The following CDH4 variants were observed in gnomAD, a reference collection of about 807,000 sequenced individuals.
CDH4 encodes the protein cadherin-4.
In CDH4, 33 loss-of-function variants were observed where a neutral mutation model predicts 86.0. That is an observed-to-expected ratio of 0.38 (90% CI 0.29 to 0.51). The LOEUF is 0.51. Among genes scored for constraint, CDH4 ranks in the 20% least tolerant of loss-of-function variants. CDH4 has a pLI of 0.86. For synonymous variants in CDH4, 555 were observed against 549.4 expected (o/e 1.01, Z -0.14); for missense variants, 1,114 against 1,307.4 (o/e 0.85, Z 2.28).
rs569100825 is a variant in CDH4, at chr20:61,815,799, T to A, written c.577-28869T>A. Among the ~76,000 whole-genome samples, 7 of 152,318 alleles carry A rather than the reference T, an allele frequency of 4.6e-5. 1 individual carries two copies. The highest frequency in any genetic ancestry group is 7.2e-5 in the African/African-American group (3 of 41,570). On this transcript the variant is annotated intron_variant, in intron 4 of 15. Coordinates refer to ENST00000614565, the MANE Select transcript of CDH4 (RefSeq NM_001794.5). ...AAACTGTTAATCCTAGATTATCAAATGCAAAATATGCCCCAGCCAGAAATG... is the reference window on the plus strand; with the variant it reads ...AAACTGTTAATCCTAGATTATCAAAAGCAAAATATGCCCCAGCCAGAAATG...
intron 2 of CDH4, among the ~76,000 whole-genome samples, chr20:61,449,487 A>G (rs2085368915): frequency 6.6e-6 from 1 of 152,216 alleles, no homozygotes; most frequent in Non-Finnish European, 1.5e-5. Context: ...TGACGTGGGG[A>G]TATTTTGTAA....
chr20:61,378,133 A>T (rs939489315), intron 2 of CDH4, among the ~76,000 whole-genome samples: 3 of 152,212 alleles, frequency 2.0e-5, no homozygotes, highest in Admixed American at 6.5e-5. Context: ...GCACGCCTGT[A>T]GTCCCAGCTA....
At chr20:61,688,443 A>G (rs1290123542) in intron 2 of CDH4, among the ~76,000 whole-genome samples, 1 of 152,120 alleles carries the variant, frequency 6.6e-6, no homozygotes, top group Non-Finnish European at 1.5e-5. Flanking sequence ...TCTGATAATG[A>G]TAAGAACAGC....
intron 2 of CDH4, among the ~76,000 whole-genome samples, chr20:61,372,274 G>T (rs1035585221): frequency 3.9e-5 from 6 of 152,216 alleles, no homozygotes; most frequent in Non-Finnish European, 5.9e-5. Flanking sequence ...TGGCCCATGG[G>T]TCTGTCCCAT....
At position 61,928,378 on chromosome 20, in the gene CDH4, G is replaced by A; in HGVS notation, c.1960G>A (p.Val654Ile). 1 of 1,611,908 alleles carries A rather than the reference G, an allele frequency of 6.2e-7. No individual in the cohort carries two copies. Among genetic ancestry groups the A allele is most frequent in the Non-Finnish European group, 8.5e-7 (1 of 1,179,988 alleles). The change falls in exon 12 of 16, where the codon GTC becomes ATC. Residue 654 changes from valine (V) to isoleucine (I), a missense_variant. Val to Ile is a conservative substitution (Grantham distance 29, BLOSUM62 3). Around this residue, in one of 3 missense-constraint regions of CDH4, gnomAD observed 705 missense variants for 914.1 expected, o/e 0.77. Transcript: ENST00000614565. The stretch of plus-strand genomic sequence containing the variant: ...CCCCTACGTCTTCGAGCTGCCCTTT[G>A]TCCCGGCGGCCGTGCGGAAGAACTG... ...IGPYVFELPF[V>I]PAAVRKNWTI... is the part of the protein sequence containing the mutation.
chr20:61,450,805 G>A (rs2085375098), intron 2 of CDH4, among the ~76,000 whole-genome samples: 1 of 150,844 alleles, frequency 6.6e-6, no homozygotes, highest in Non-Finnish European at 1.5e-5. Flanking sequence ...AATGGAGAGA[G>A]TCTGCTGCTG....
intron 8 of CDH4, 59 bp downstream of exon 8, chr20:61,895,106 C>T (rs545974597): frequency 2.4e-5 from 38 of 1,575,342 alleles, no homozygotes; most frequent in Middle Eastern, 1.8e-4. Flanking sequence ...AATGCACTGG[C>T]GTGCGGCACA....
chr20:61,869,935 G>A (rs1025775557), intron 6 of CDH4, among the ~76,000 whole-genome samples: 5 of 152,258 alleles, frequency 3.3e-5, no homozygotes, highest in South Asian at 4.1e-4. Context: ...GATGTCGTGA[G>A]GTTATCTGAG....
At chr20:61,266,043 C>A (rs2084156567) in intron 2 of CDH4, among the ~76,000 whole-genome samples, 1 of 152,172 alleles carries the variant, frequency 6.6e-6, no homozygotes, top group South Asian at 2.1e-4. Context: ...ACTGTGCTTT[C>A]CTGCTGAGAG....
At chr20:61,357,888 A>AG (rs1438328247) in intron 2 of CDH4, among the ~76,000 whole-genome samples, 1 of 151,728 alleles carries the variant, frequency 6.6e-6, no homozygotes, top group Non-Finnish European at 1.5e-5. Flanking sequence ...TTTGCTTTTT[A>AG]TTTTTTTTCC....
chr20:61,805,905 G>A (rs1219712603), intron 4 of CDH4, among the ~76,000 whole-genome samples: 1 of 152,214 alleles, frequency 6.6e-6, no homozygotes, highest in Non-Finnish European at 1.5e-5. Flanking sequence ...AGCTATGTAG[G>A]TATATGCTCA....
intron 4 of CDH4, among the ~76,000 whole-genome samples, chr20:61,827,563 A>G (rs1316329322): frequency 6.6e-6 from 1 of 152,244 alleles, no homozygotes; most frequent in Non-Finnish European, 1.5e-5. Flanking sequence ...AACTCCTGAT[A>G]TATGACAACT....
intron 2 of CDH4, among the ~76,000 whole-genome samples, chr20:61,487,257 T>C (rs2085601825): frequency 6.6e-6 from 1 of 152,168 alleles, no homozygotes; most frequent in African/African-American, 2.4e-5. Context: ...ACCGTAGTTA[T>C]GTGAGTCTGT....
chr20:61,666,147 C>G (rs566486629), intron 2 of CDH4, among the ~76,000 whole-genome samples: 28 of 152,322 alleles, frequency 1.8e-4, no homozygotes, highest in Admixed American at 9.1e-4. Flanking sequence ...CAAGTAAGGC[C>G]ATGGCCTCCT....
intron 2 of CDH4, among the ~76,000 whole-genome samples, chr20:61,637,933 A>G (rs2024709): frequency 0.35 from 52,811 of 151,576 alleles, 9,193 homozygotes; most frequent in East Asian, 0.48. Flanking sequence ...AGGCAGGAGA[A>G]TCGCTGGAAG....
intron 6 of CDH4, among the ~76,000 whole-genome samples, chr20:61,861,543 C>T (rs950853505): frequency 2.6e-5 from 4 of 151,456 alleles, no homozygotes; most frequent in Non-Finnish European, 4.4e-5. Context: ...CCCGCCTGTG[C>T]GTTAGGAATG....
intron 2 of CDH4, among the ~76,000 whole-genome samples, chr20:61,379,952 G>A (rs2084890898): frequency 6.6e-6 from 1 of 152,082 alleles, no homozygotes; most frequent in African/African-American, 2.4e-5. Flanking sequence ...TGAAGAGTTA[G>A]GCAGATAAGG....
At chr20:61,906,123 T>A (rs1437590821) in intron 8 of CDH4, among the ~76,000 whole-genome samples, 1 of 152,134 alleles carries the variant, frequency 6.6e-6, no homozygotes, top group Non-Finnish European at 1.5e-5. Flanking sequence ...CTGACTTAGG[T>A]CATTAGCCTA....
chr20:61,909,937 C>T (rs1242469040), intron 8 of CDH4, among the ~76,000 whole-genome samples: 1 of 152,248 alleles, frequency 6.6e-6, no homozygotes, highest in Non-Finnish European at 1.5e-5. Flanking sequence ...TTGTTGAAGC[C>T]GCTCCATCAG....
Sources: gnomAD v4.1 joint callset for allele counts (sites outside exome capture counted in the v4.1 genomes callset) on GRCh38, gnomAD v4.1.1 for gene constraint, gnomAD v4.1.1 regional missense constraint, MANE v1.5 for transcripts, NCBI Gene and HGNC (gene_info 2026-07-23, HGNC 2026-07-21) for gene names.